Variants in PTPRD observed in about 807,000 individuals in gnomAD.
The protein encoded by PTPRD is receptor-type tyrosine-protein phosphatase delta.
Under a neutral mutation model 214.5 loss-of-function variants are expected in PTPRD, and 34 were observed. The ratio of observed to expected loss-of-function variants is 0.16; its 90% CI spans 0.12 to 0.21. PTPRD has a LOEUF of 0.21. PTPRD is among the 10% of genes least tolerant of loss of function. PTPRD has a pLI of 1.00. For synonymous variants in PTPRD, 1,128 were observed against 845.7 expected (o/e 1.33, Z -5.79); for missense variants, 2,545 against 2,398.7 (o/e 1.06, Z -1.27).
chr9:9,290,455 G>C (rs1950798787), intron 9 of PTPRD, among the ~76,000 whole-genome samples: 1 of 151,466 alleles, frequency 6.6e-6, no homozygotes, highest in South Asian at 2.1e-4. Context: ...ACATTCTCTA[G>C]TTGGATATAG....
At chr9:9,193,884 ATAAAT>A (rs1265752859) in intron 9 of PTPRD, among the ~76,000 whole-genome samples, 1 of 152,116 alleles carries the variant, frequency 6.6e-6, no homozygotes, top group African/African-American at 2.4e-5. Context: ...TTTCTCAATA[ATAAAT>A]TAACCTTAGA....
intron 11 of PTPRD, among the ~76,000 whole-genome samples, chr9:8,793,246 C>G (rs1414180016): frequency 6.6e-6 from 1 of 151,510 alleles, no homozygotes; most frequent in African/African-American, 2.4e-5. Flanking sequence ...CTCTTACTCT[C>G]TCTTCCTTTG....
chr9:8,681,458 A>C (rs1157189488), intron 12 of PTPRD, among the ~76,000 whole-genome samples: 2 of 152,186 alleles, frequency 1.3e-5, no homozygotes, highest in Non-Finnish European at 1.5e-5. Flanking sequence ...AAGCTGCTAG[A>C]ACTTGAGATA....
At position 8,595,718 on chromosome 9, in the gene PTPRD, G is replaced by A. The variant is rs115950176; in HGVS notation, c.352+37599C>T. ...ACTCTTCTTTAGAATTATTTACTAAGTTTACTGTATTGGAGGTCATAATAA... is the reference window on the plus strand; with the variant it reads ...ACTCTTCTTTAGAATTATTTACTAAATTTACTGTATTGGAGGTCATAATAA... On this transcript the variant is annotated intron_variant, in intron 14 of 45. Transcript: ENST00000381196. Among the ~76,000 whole-genome samples, 744 of 152,302 alleles carry A rather than the reference G, an allele frequency of 4.9e-3. 9 individuals carry two copies. Among genetic ancestry groups the A allele is most frequent in the African/African-American group, 0.017 (706 of 41,578 alleles).
At chr9:8,580,893 T>C (rs77760716) in intron 14 of PTPRD, among the ~76,000 whole-genome samples, 1,562 of 152,328 alleles carry the variant, frequency 0.01, 24 homozygotes, top group African/African-American at 0.036. Context: ...AAACAGTAGA[T>C]CACATATCAC....
At chr9:9,403,449 A>T (rs1390953755) in intron 8 of PTPRD, among the ~76,000 whole-genome samples, 1 of 151,406 alleles carries the variant, frequency 6.6e-6, no homozygotes, top group African/African-American at 2.4e-5. Flanking sequence ...GAAGCAAATC[A>T]TATCCGAAGT....
At position 9,065,305 on chromosome 9, in the gene PTPRD, C is replaced by A. The variant is rs557458080; in HGVS notation, c.-142-46570G>T. ...CAGGGTACGCTTTGCTGAAAAGTGA[C>A]AATGGTAGAAATTGATAAGGTTCCA... On this transcript the variant is annotated intron_variant, in intron 10 of 45. Transcript: ENST00000381196. Among the ~76,000 whole-genome samples, 636 of 152,190 alleles carry A rather than the reference C, an allele frequency of 4.2e-3. 4 individuals carry two copies. The highest frequency in any genetic ancestry group is 0.021 in the Middle Eastern group (6 of 292).
intron 5 of PTPRD, among the ~76,000 whole-genome samples, chr9:9,921,045 T>C (rs546296365): frequency 6.6e-6 from 1 of 152,244 alleles, no homozygotes; most frequent in Admixed American, 6.5e-5. Context: ...CTTTAGCTCC[T>C]GGCAAAGGAC....
intron 11 of PTPRD, among the ~76,000 whole-genome samples, chr9:8,899,812 G>A (rs575346026): frequency 4.6e-5 from 7 of 152,298 alleles, no homozygotes; most frequent in African/African-American, 1.4e-4. Flanking sequence ...CAGTCGGCAT[G>A]TTGCCTTTGA....
rs1384676345 is a variant in PTPRD, at chr9:9,188,821, TG to T, written c.-202-5459del. 3.2e-3 allele frequency among the ~76,000 whole-genome samples: 476 copies of T among 147,544 alleles called. 5 individuals carry two copies. Among genetic ancestry groups the T allele is most frequent in the African/African-American group, 0.012 (456 of 38,856 alleles). ...GTGCAAAATAAATTGTGTGTGTGTG[TG>T]TGTGTGTGTGTGTGTGTGTGTTGTG... On this transcript the variant is annotated intron_variant, in intron 9 of 45. Coordinates refer to ENST00000381196, the MANE Select transcript of PTPRD (RefSeq NM_002839.4).
intron 21 of PTPRD, among the ~76,000 whole-genome samples, chr9:8,511,719 T>C (rs888793119): frequency 2.0e-5 from 3 of 152,144 alleles, no homozygotes; most frequent in African/African-American, 7.2e-5. Flanking sequence ...AATTTTTCTT[T>C]AATATTATAT....
intron 10 of PTPRD, among the ~76,000 whole-genome samples, chr9:9,060,134 C>T (rs1351157696): frequency 6.6e-6 from 1 of 152,152 alleles, no homozygotes; most frequent in African/African-American, 2.4e-5. Context: ...AGGGGAAAGA[C>T]TCACTTTTTC....
intron 36 of PTPRD, among the ~76,000 whole-genome samples, chr9:8,400,249 G>C (rs12336360): frequency 0.028 from 4,185 of 152,124 alleles, 197 homozygotes; most frequent in African/African-American, 0.096. Context: ...TTGCTAATTA[G>C]AAGGCATTAT....
intron 10 of PTPRD, among the ~76,000 whole-genome samples, chr9:9,141,901 A>G (rs965727134): frequency 2.0e-5 from 3 of 152,148 alleles, no homozygotes; most frequent in Non-Finnish European, 4.4e-5. Context: ...TTTATCATTA[A>G]TAGATTAATA....
chr9:9,268,984 A>C (rs1332358427), intron 9 of PTPRD, among the ~76,000 whole-genome samples: 1 of 121,390 alleles, frequency 8.2e-6, no homozygotes, highest in African/African-American at 3.0e-5. Context: ...AAGCACAGGC[A>C]AAAAAAAAAC....
At chr9:9,968,256 C>T (rs1011250735) in intron 4 of PTPRD, among the ~76,000 whole-genome samples, 4 of 152,096 alleles carry the variant, frequency 2.6e-5, no homozygotes, top group African/African-American at 7.2e-5. Context: ...TCCAGTGAAG[C>T]TGGAGAGGAA....
intron 27 of PTPRD, among the ~76,000 whole-genome samples, chr9:8,488,586 C>G (rs1384524798): frequency 1.3e-5 from 2 of 152,228 alleles, no homozygotes; most frequent in African/African-American, 4.8e-5. Context: ...GACCAACACA[C>G]ACTCTCAGAA....
chr9:9,564,884 G>GTTTTGT (rs2083972099), intron 8 of PTPRD, among the ~76,000 whole-genome samples: 1 of 48,842 alleles, frequency 2.0e-5, no homozygotes, highest in Non-Finnish European at 3.8e-5. Flanking sequence ...TGAATCTTCT[G>GTTTTGT]TTTTTTTTTT....
Position 9,904,938 on chromosome 9 carries a change from A to G in PTPRD, c.-368+33569T>C, listed in dbSNP as rs187117442. 1.1e-4 allele frequency among the ~76,000 whole-genome samples: 16 copies of G among 152,170 alleles called. No homozygotes were observed. In the East Asian group the frequency reaches 2.9e-3, roughly 28 times the overall value. ...TTTAATCTGTCCCATATTGTTATTC[A>G]GTTCATTAAAGAACAACATGCATAA... On this transcript the variant is annotated intron_variant, in intron 5 of 45. Coordinates refer to ENST00000381196, the MANE Select transcript of PTPRD (RefSeq NM_002839.4).
Sources: gnomAD v4.1 joint callset for allele counts (sites outside exome capture counted in the v4.1 genomes callset) on GRCh38, gnomAD v4.1.1 for gene constraint, MANE v1.5 for transcripts, NCBI Gene and HGNC (gene_info 2026-07-23, HGNC 2026-07-21) for gene names.